Variants in TMEM135 observed in about 807,000 individuals in gnomAD.
The protein encoded by TMEM135 is peroxisomal membrane protein 52.
A neutral mutation model predicts 60.3 loss-of-function variants in TMEM135; 30 were observed. The observed-to-expected ratio is 0.50, with a 90% CI of 0.37 to 0.68. The LOEUF (loss-of-function observed/expected upper bound fraction) is 0.68. TMEM135 is among the 30% of genes least tolerant of loss of function. The pLI, the probability that TMEM135 is intolerant of heterozygous loss-of-function variation, is 0.00. For missense variants in TMEM135, 468 were observed against 548.8 expected, an observed-to-expected ratio of 0.85 and a Z score of 1.47; for synonymous variants, 190 against 186.7, an observed-to-expected ratio of 1.02 and a Z score of -0.14.
In TMEM135 at chr11:87,323,086, G is replaced by T. The variant is rs568048971; in HGVS notation, c.*1753G>T. The T allele has an allele frequency of 4.4e-6, 2 of 453,798 alleles. No homozygotes were observed. The highest frequency in any genetic ancestry group is 6.9e-5 in the East Asian group (1 of 14,398). The allele number at this position is 453,798 out of a possible 1,614,324, so 28.1% of individuals were successfully genotyped here. ...TATATTTTCCTGTCAGGTTTAAAAA[G>T]ATGTTTTAATTCATAAATTATTGTT... On this transcript the variant is annotated 3_prime_UTR_variant, in exon 15 of 15. Coordinates refer to ENST00000305494, the MANE Select transcript of TMEM135 (RefSeq NM_022918.4).
chr11:87,072,995 A>C (rs1856799520), intron 3 of TMEM135, among the ~76,000 whole-genome samples: 1 of 152,144 alleles, frequency 6.6e-6, no homozygotes, highest in Middle Eastern at 3.2e-3. Context: ...AATTCTCATC[A>C]AATAACCAAA....
At chr11:87,159,836 T>C (rs1317165856) in intron 5 of TMEM135, among the ~76,000 whole-genome samples, 1 of 152,166 alleles carries the variant, frequency 6.6e-6, no homozygotes, top group Non-Finnish European at 1.5e-5. Flanking sequence ...TGTTTTAGTA[T>C]AAGAACAATG....
At chr11:87,099,081 A>G (rs1448243489) in intron 4 of TMEM135, among the ~76,000 whole-genome samples, 1 of 152,198 alleles carries the variant, frequency 6.6e-6, no homozygotes, top group African/African-American at 2.4e-5. Flanking sequence ...ACGCTAGCAT[A>G]CATTTGAGTT....
chr11:87,143,123 T>C (rs1284906435), intron 4 of TMEM135, among the ~76,000 whole-genome samples: 1 of 152,122 alleles, frequency 6.6e-6, no homozygotes, highest in Non-Finnish European at 1.5e-5. Flanking sequence ...AATTTTTATT[T>C]CAGTGATTGT....
At chr11:87,317,684 TGAA>T (rs1181629246) in intron 12 of TMEM135, among the ~76,000 whole-genome samples, 3 of 152,128 alleles carry the variant, frequency 2.0e-5, no homozygotes, top group East Asian at 3.8e-4. Context: ...CATGCAAAGT[TGAA>T]GAAGAGAAGG....
At chr11:87,099,682 GTTTTT>G (rs57019125) in intron 4 of TMEM135, among the ~76,000 whole-genome samples, 6 of 109,380 alleles carry the variant, frequency 5.5e-5, no homozygotes, top group African/African-American at 1.0e-4. Context: ...TTTCATGGTG[GTTTTT>G]TTTTTTTTTT....
intron 7 of TMEM135, among the ~76,000 whole-genome samples, chr11:87,301,605 C>G (rs977367863): frequency 2.6e-5 from 4 of 152,002 alleles, no homozygotes; most frequent in Non-Finnish European, 5.9e-5. Context: ...CTGTATTTTA[C>G]TATATTTTCG....
intron 4 of TMEM135, among the ~76,000 whole-genome samples, chr11:87,114,190 C>T (rs1052694919): frequency 1.2e-4 from 18 of 151,938 alleles, no homozygotes; most frequent in Admixed American, 1.2e-3. Context: ...TAAAAAGGAA[C>T]CCAAGCAAGA....
chr11:87,191,676 G>C (rs1035264909), intron 5 of TMEM135, among the ~76,000 whole-genome samples: 5 of 152,126 alleles, frequency 3.3e-5, no homozygotes, highest in Admixed American at 2.6e-4. Flanking sequence ...TGATTTCTAA[G>C]CATTTCCTGT....
intron 6 of TMEM135, among the ~76,000 whole-genome samples, chr11:87,275,993 C>T (rs1162792861): frequency 6.6e-6 from 1 of 152,152 alleles, no homozygotes; most frequent in Non-Finnish European, 1.5e-5. Flanking sequence ...GTCCTTCTGC[C>T]TTCCTCTACT....
At chr11:87,180,993 T>A (rs527600460) in intron 5 of TMEM135, among the ~76,000 whole-genome samples, 6 of 152,288 alleles carry the variant, frequency 3.9e-5, no homozygotes, top group Non-Finnish European at 8.8e-5. Flanking sequence ...ATTCCTAAGA[T>A]GACCTGGATG....
intron 4 of TMEM135, among the ~76,000 whole-genome samples, chr11:87,135,218 A>T (rs997836917): frequency 6.6e-6 from 1 of 152,054 alleles, no homozygotes; most frequent in Non-Finnish European, 1.5e-5. Context: ...TGTCTTTTAA[A>T]GAGAAGTTTA....
chr11:87,268,742 G>A (rs1036930431), intron 6 of TMEM135, among the ~76,000 whole-genome samples: 5 of 151,520 alleles, frequency 3.3e-5, no homozygotes, highest in African/African-American at 1.2e-4. Flanking sequence ...TATTTGTTTT[G>A]TATGTTTTGT....
chr11:87,304,831 G>A (rs944026879), intron 8 of TMEM135, among the ~76,000 whole-genome samples: 2 of 152,142 alleles, frequency 1.3e-5, no homozygotes, highest in African/African-American at 4.8e-5. Flanking sequence ...TATAAAGACC[G>A]CTTATTTTGG....
intron 6 of TMEM135, among the ~76,000 whole-genome samples, chr11:87,259,507 A>G (rs372793990): frequency 7.9e-5 from 12 of 152,216 alleles, no homozygotes; most frequent in African/African-American, 2.7e-4. Flanking sequence ...GAATTAGCAT[A>G]GATAGCACAA....
intron 4 of TMEM135, among the ~76,000 whole-genome samples, chr11:87,105,265 T>C (rs1389432299): frequency 3.3e-5 from 5 of 152,206 alleles, no homozygotes; most frequent in Non-Finnish European, 7.3e-5. Context: ...CAGGAGATGA[T>C]ACGCGGGTGA....
At chr11:87,120,285 T>C (rs144344575) in intron 4 of TMEM135, among the ~76,000 whole-genome samples, 2 of 151,588 alleles carry the variant, frequency 1.3e-5, no homozygotes, top group African/African-American at 4.8e-5. Flanking sequence ...TTTTTAATTT[T>C]TGTAGAGATG....
chr11:87,045,985 C>T (rs2135108780), intron 1 of TMEM135, among the ~76,000 whole-genome samples: 1 of 152,300 alleles, frequency 6.6e-6, no homozygotes, highest in South Asian at 2.1e-4. Flanking sequence ...ATACTTCTTA[C>T]ATTGAGTTTA....
chr11:87,084,780 G>A (rs552692309), intron 3 of TMEM135, among the ~76,000 whole-genome samples: 1 of 152,294 alleles, frequency 6.6e-6, no homozygotes, highest in African/African-American at 2.4e-5. Context: ...AGCTTTCCCA[G>A]CCTTCTAATC....
Sources: gnomAD v4.1 joint callset for allele counts (sites outside exome capture counted in the v4.1 genomes callset) on GRCh38, gnomAD v4.1.1 for gene constraint, MANE v1.5 for transcripts, NCBI Gene and HGNC (gene_info 2026-07-23, HGNC 2026-07-21) for gene names.